TMEM135: variants seen among roughly 807,000 people sequenced by gnomAD.
TMEM135 encodes transmembrane protein 135.
A neutral mutation model predicts 60.3 loss-of-function variants in TMEM135; 30 were observed. The observed-to-expected ratio is 0.50, with a 90% CI of 0.37 to 0.68. The LOEUF is 0.68. Among genes scored for constraint, TMEM135 ranks in the 30% least tolerant of loss-of-function variants. The pLI, the probability that TMEM135 is intolerant of heterozygous loss-of-function variation, is 0.00. For synonymous variants in TMEM135, 190 were observed against 186.7 expected (o/e 1.02, Z -0.14); for missense variants, 468 against 548.8 (o/e 0.85, Z 1.47).
At chr11:87,226,732 G>A (rs1940772526) in intron 5 of TMEM135, among the ~76,000 whole-genome samples, 1 of 152,108 alleles carries the variant, frequency 6.6e-6, no homozygotes, top group Non-Finnish European at 1.5e-5. Context: ...ACTCTGTTTA[G>A]TGGCCTTGAA....
At chr11:87,192,219 A>G (rs1215701038) in intron 5 of TMEM135, among the ~76,000 whole-genome samples, 2 of 148,376 alleles carry the variant, frequency 1.3e-5, no homozygotes, top group African/African-American at 5.0e-5. Context: ...TCGATCTCCT[A>G]ACTTCGTGAT....
intron 5 of TMEM135, among the ~76,000 whole-genome samples, chr11:87,220,309 A>T (rs1437812215): frequency 6.6e-6 from 1 of 152,202 alleles, no homozygotes; most frequent in Non-Finnish European, 1.5e-5. Flanking sequence ...GACATATATA[A>T]ACATACCTCA....
At chr11:87,252,896 A>C (rs10501633) in intron 6 of TMEM135, among the ~76,000 whole-genome samples, 99,613 of 151,240 alleles carry the variant, frequency 0.66, 33,396 homozygotes, top group Non-Finnish European at 0.71. Context: ...AGATGAAATG[A>C]GGCACTTCTA....
chr11:87,193,617 T>C (rs2135320001), intron 5 of TMEM135, among the ~76,000 whole-genome samples: 2 of 152,024 alleles, frequency 1.3e-5, no homozygotes, highest in East Asian at 3.9e-4. Context: ...TTTTGTGGCT[T>C]ATGTAATTAA....
At chr11:87,201,802 T>A (rs1429163159) in intron 5 of TMEM135, among the ~76,000 whole-genome samples, 1 of 152,196 alleles carries the variant, frequency 6.6e-6, no homozygotes, top group African/African-American at 2.4e-5. Context: ...TATTAATACT[T>A]ACTCTGCACT....
intron 6 of TMEM135, among the ~76,000 whole-genome samples, chr11:87,252,798 A>ATGTGTGTGTGTGTGTGTGTG (rs558272693): frequency 2.0e-4 from 27 of 134,234 alleles, no homozygotes; most frequent in Non-Finnish European, 2.7e-4. Flanking sequence ...TAAAATATAT[A>ATGTGTGTGTGTGTGTGTGTG]TGTGTGTGTG....
chr11:87,103,259 A>C (rs989542447), intron 4 of TMEM135, among the ~76,000 whole-genome samples: 6 of 152,164 alleles, frequency 3.9e-5, no homozygotes, highest in African/African-American at 1.4e-4. Context: ...AGGAGCTTCC[A>C]TACTGTTTTT....
intron 4 of TMEM135, among the ~76,000 whole-genome samples, chr11:87,107,412 C>T (rs1263059741): frequency 6.8e-6 from 1 of 146,548 alleles, no homozygotes; most frequent in Admixed American, 6.8e-5. Flanking sequence ...TATCCATCCC[C>T]CCTCCCCCCA....
chr11:87,072,526 G>T (rs1478370318), intron 3 of TMEM135, among the ~76,000 whole-genome samples: 1 of 151,968 alleles, frequency 6.6e-6, no homozygotes, highest in South Asian at 2.1e-4. Flanking sequence ...GATTACAGGC[G>T]CATGCCACCA....
At chr11:87,069,284 C>CAAAAAAAAAAAAA (rs778885228) in intron 2 of TMEM135, among the ~76,000 whole-genome samples, 7 of 62,536 alleles carry the variant, frequency 1.1e-4, no homozygotes, top group East Asian at 4.3e-4. Context: ...GACTCCGTCT[C>CAAAAAAAAAAAAA]AAAAAAAAAA....
chr11:87,170,765 G>T lies in TMEM135; in HGVS notation c.462+13359G>T, dbSNP rs576941023. 2.7e-4 allele frequency among the ~76,000 whole-genome samples: 41 copies of T among 152,214 alleles called. No individual in the cohort carries two copies. In the South Asian group the frequency reaches 3.3e-3, roughly 12 times the overall value. ...GTGTCTCCCAGTCAGAAGGCATGGGGGTCAAGGACTCACTTGAGGAGGCAC... is the reference window on the plus strand; with the variant it reads ...GTGTCTCCCAGTCAGAAGGCATGGGTGTCAAGGACTCACTTGAGGAGGCAC... On this transcript the variant is annotated intron_variant, in intron 5 of 14. Coordinates refer to ENST00000305494, the MANE Select transcript of TMEM135 (RefSeq NM_022918.4).
chr11:87,135,790 C>G (rs1424238633), intron 4 of TMEM135, among the ~76,000 whole-genome samples: 2 of 151,948 alleles, frequency 1.3e-5, no homozygotes, highest in South Asian at 2.1e-4. Context: ...TTTGAGATAT[C>G]TATTAGAATT....
At chr11:87,142,792 T>A (rs1289321499) in intron 4 of TMEM135, among the ~76,000 whole-genome samples, 5 of 150,064 alleles carry the variant, frequency 3.3e-5, no homozygotes, top group Non-Finnish European at 5.9e-5. Flanking sequence ...CTCTTTCTCC[T>A]CCTTTTACTT....
intron 5 of TMEM135, among the ~76,000 whole-genome samples, chr11:87,159,910 A>G (rs1938822120): frequency 6.6e-6 from 1 of 152,200 alleles, no homozygotes; most frequent in African/African-American, 2.4e-5. Context: ...ATTATTTAAA[A>G]TACAACCTGA....
chr11:87,089,780 A>G (rs1450175931), intron 3 of TMEM135, among the ~76,000 whole-genome samples: 3 of 152,182 alleles, frequency 2.0e-5, no homozygotes, highest in Non-Finnish European at 4.4e-5. Context: ...AAGCAGTATT[A>G]GAGTATTTTT....
intron 5 of TMEM135, among the ~76,000 whole-genome samples, chr11:87,191,262 A>G (rs1239552617): frequency 1.3e-5 from 2 of 150,646 alleles, no homozygotes; most frequent in East Asian, 1.9e-4. Flanking sequence ...TTTTTCTGAG[A>G]CAGAGTCCCG....
Position 87,328,743 on chromosome 11 carries a change from A to G in TMEM135, c.*7410A>G, listed in dbSNP as rs1590877474. ...TATACCACATTTTCTTTATCCACTC[A>G]TTGGTCTATGGGCACTTTGGTTGAT... On this transcript the variant is annotated 3_prime_UTR_variant, in exon 15 of 15. Coordinates refer to ENST00000305494, the MANE Select transcript of TMEM135 (RefSeq NM_022918.4). 2.2e-6 allele frequency: 1 copy of G among 453,988 alleles called. No homozygotes were observed. 28.1% of individuals were successfully genotyped at this position (453,988 alleles called of 1,614,324 possible). A position where few individuals can be genotyped will look rare whatever the true frequency, so the allele number is the denominator to read the frequency against.
chr11:87,183,341 C>T lies in TMEM135; in HGVS notation c.462+25935C>T, dbSNP rs528504760. ...TATTTTTAGTAGTGACGGGGTTTCA[C>T]CATGTTGGTCAGGCTGGGCTCGAAC... On this transcript the variant is annotated intron_variant, in intron 5 of 14. Coordinates refer to ENST00000305494, the MANE Select transcript of TMEM135 (RefSeq NM_022918.4). Among the ~76,000 whole-genome samples, 16 of 151,226 alleles carry T rather than the reference C, an allele frequency of 1.1e-4. No homozygotes were observed. In the South Asian group the frequency reaches 1.9e-3, roughly 18 times the overall value.
At chr11:87,083,173 G>A (rs1267756378) in intron 3 of TMEM135, among the ~76,000 whole-genome samples, 3 of 152,016 alleles carry the variant, frequency 2.0e-5, no homozygotes, top group Admixed American at 6.6e-5. Context: ...AATCTTAATC[G>A]CATCATTGTG....
Sources: gnomAD v4.1 joint callset for allele counts (sites outside exome capture counted in the v4.1 genomes callset) on GRCh38, gnomAD v4.1.1 for gene constraint, MANE v1.5 for transcripts, NCBI Gene and HGNC (gene_info 2026-07-23, HGNC 2026-07-21) for gene names.